Variants in CPO observed in about 807,000 individuals in gnomAD.
CPO encodes the protein carboxypeptidase O, also known as metallocarboxypeptidase C.
CPO carries 43 observed loss-of-function variants against 41.2 expected under a neutral mutation model. The ratio of observed to expected loss-of-function variants is 1.04; its 90% CI spans 0.82 to 1.35. The LOEUF (loss-of-function observed/expected upper bound fraction) is 1.35, where lower values mean the gene tolerates loss of function less well. Ranked by LOEUF, CPO falls within the 40% of genes most tolerant of loss-of-function variation. CPO has a pLI of 0.00. For missense variants in CPO, 408 were observed against 451.7 expected (o/e 0.90, Z 0.88); for synonymous variants, 178 against 162.7 (o/e 1.09, Z -0.72).
At chr2:206,949,770 G>A in intron 2 of CPO, 57 bp downstream of exon 2, 1 of 1,086,248 alleles carries the variant, frequency 9.2e-7, no homozygotes, top group Non-Finnish European at 1.4e-6. Flanking sequence ...TTTAGGATGG[G>A]CAAAGAATGG....
At chr2:206,948,617 C>T (rs541248425) in intron 1 of CPO, among the ~76,000 whole-genome samples, 18 of 152,098 alleles carry the variant, frequency 1.2e-4, no homozygotes, top group Admixed American at 9.8e-4. Context: ...TAAAAATTAG[C>T]GGAGTGTAGT....
intron 7 of CPO, among the ~76,000 whole-genome samples, chr2:206,964,233 TC>T (rs756785542): frequency 3.4e-4 from 51 of 152,132 alleles, no homozygotes; most frequent in Non-Finnish European, 5.9e-4. Context: ...CTCCCAACAG[TC>T]AAAAATGTCC....
rs757971844 is a variant in CPO at position 206,958,351 on chromosome 2, A to T, written c.318A>T (p.Gly106=). The stretch of plus-strand genomic sequence containing the variant: ...AGAAAATCATTTGGATGGACTGTGG[A>T]ATTCACGCCAGAGAATGGATTGCTC... ...NPKKIIWMDC[G]IHAREWIAPA... The change falls in exon 4 of 9, where the codon GGA becomes GGT. Residue 106 remains glycine, a synonymous_variant. Transcript: ENST00000272852. 13 of 1,601,872 alleles carry T rather than the reference A, an allele frequency of 8.1e-6. No homozygotes were observed. The highest frequency in any genetic ancestry group is 1.1e-5 in the Non-Finnish European group (13 of 1,174,462).
chr2:206,951,912 T>C (rs540520664), intron 2 of CPO, among the ~76,000 whole-genome samples: 1 of 152,342 alleles, frequency 6.6e-6, no homozygotes, highest in East Asian at 1.9e-4. Flanking sequence ...CATCTGCATC[T>C]CACCTAGTCC....
At chr2:206,962,700 C>A in intron 7 of CPO, 86 bp downstream of exon 7, 2 of 1,087,190 alleles carry the variant, frequency 1.8e-6, no homozygotes, top group Non-Finnish European at 2.8e-6. Flanking sequence ...AAGATTTTGG[C>A]TCCAGCCACC....
intron 4 of CPO, among the ~76,000 whole-genome samples, chr2:206,959,388 G>A (rs1180168826): frequency 6.6e-6 from 1 of 152,120 alleles, no homozygotes; most frequent in Non-Finnish European, 1.5e-5. Flanking sequence ...AGGGATGGCA[G>A]GAGGTGAATG....
At chr2:206,969,067 A>C (rs1023013200) in intron 8 of CPO, 107 bp from the exon 9 acceptor site, 1 of 1,170,874 alleles carries the variant, frequency 8.5e-7, no homozygotes, top group East Asian at 2.3e-5. Flanking sequence ...CTGATCTAAA[A>C]GAGCTTCTTT....
At chr2:206,968,141 C>A in intron 7 of CPO, 122 bp from the exon 8 acceptor site, 1 of 717,962 alleles carries the variant, frequency 1.4e-6, no homozygotes, top group South Asian at 1.5e-5. Context: ...TGTAGATGTC[C>A]GATGGGAAGT....
At chr2:206,944,434 C>G (rs1693103017) in intron 1 of CPO, among the ~76,000 whole-genome samples, 1 of 151,846 alleles carries the variant, frequency 6.6e-6, no homozygotes, top group African/African-American at 2.4e-5. Context: ...CTGAAGCACC[C>G]TTGTTTATTA....
chr2:206,967,346 T>G (rs563543997), intron 7 of CPO, among the ~76,000 whole-genome samples: 1,361 of 111,298 alleles, frequency 0.012, 15 homozygotes, highest in Admixed American at 0.027. Flanking sequence ...TATATATATA[T>G]ATATAGATAT....
intron 3 of CPO, among the ~76,000 whole-genome samples, chr2:206,956,841 C>G (rs930522943): frequency 7.2e-5 from 11 of 152,242 alleles, no homozygotes; most frequent in Middle Eastern, 6.8e-3. Flanking sequence ...ATTATTGGCT[C>G]TGAAATGGAA....
chr2:206,944,937 T>C (rs1693115878), intron 1 of CPO, among the ~76,000 whole-genome samples: 1 of 152,110 alleles, frequency 6.6e-6, no homozygotes, highest in African/African-American at 2.4e-5. Flanking sequence ...TTGAGGATAA[T>C]ACTAGTTGGA....
rs117481344 is a variant in CPO, at chr2:206,965,302, C to T, written c.777+2688C>T. Among the ~76,000 whole-genome samples the T allele has an allele frequency of 1.6e-3, 240 of 152,210 alleles. 4 individuals are homozygous for T. The East Asian group carries it at 0.044, about 28-fold the overall frequency. On this transcript the variant is annotated intron_variant, in intron 7 of 8. Transcript: ENST00000272852. ...AGCTACTTAGCAGTGTTTTTAGGTT[C>T]TTGGGGGCAAGCTTTGATAGAGTGC... is the stretch of plus-strand genomic sequence containing the variant.
At position 206,949,494 on chromosome 2, in the gene CPO, A is replaced by G. The variant is rs1259448685; in HGVS notation, c.69-123A>G. 2.4e-5 allele frequency: 16 copies of G among 671,274 alleles called. No individual in the cohort carries two copies. In the Admixed American group the frequency reaches 3.4e-4, roughly 14 times the overall value. 41.6% of individuals were successfully genotyped at this position (671,274 alleles called of 1,614,324 possible). On this transcript the variant is annotated intron_variant, in intron 1 of 8. Coordinates refer to ENST00000272852, the MANE Select transcript of CPO (RefSeq NM_173077.3). ...GTAAGTCACAGAGCCAAAGACTCCA[A>G]CACAGGCTTTTGTCCTCCAAGTCCT... is the stretch of plus-strand genomic sequence containing the variant.
At chr2:206,941,459 C>G (rs1693028504) in intron 1 of CPO, among the ~76,000 whole-genome samples, 1 of 151,928 alleles carries the variant, frequency 6.6e-6, no homozygotes, top group Non-Finnish European at 1.5e-5. Context: ...TCTCCCTTCC[C>G]TCAACTATTA....
chr2:206,968,197 C>A, intron 7 of CPO, 66 bp from the exon 8 acceptor site: 1 of 1,127,212 alleles, frequency 8.9e-7, no homozygotes, highest in Non-Finnish European at 1.3e-6. Flanking sequence ...GACAAAACAC[C>A]AAATGGTTGG....
intron 1 of CPO, among the ~76,000 whole-genome samples, chr2:206,947,958 C>T (rs1693177323): frequency 6.6e-6 from 1 of 152,214 alleles, no homozygotes; most frequent in Non-Finnish European, 1.5e-5. Flanking sequence ...GCAACAGGAA[C>T]TCTCATTCGT....
At chr2:206,944,788 T>C (rs567595580) in intron 1 of CPO, among the ~76,000 whole-genome samples, 76 of 152,168 alleles carry the variant, frequency 5.0e-4, no homozygotes, top group African/African-American at 1.6e-3. Context: ...TCTGGAGAAA[T>C]TGATTTCCAT....
At chr2:206,968,431 G>C in intron 8 of CPO, 84 bp downstream of exon 8, 1 of 785,466 alleles carries the variant, frequency 1.3e-6, no homozygotes, top group Non-Finnish European at 2.2e-6. Flanking sequence ...AGGCGGGAGA[G>C]GAACAGAAGA....
Sources: allele counts gnomAD v4.1 joint callset (sites outside exome capture counted in the v4.1 genomes callset), GRCh38; gene constraint gnomAD v4.1.1; transcripts MANE v1.5; gene names NCBI Gene and HGNC (gene_info 2026-07-23, HGNC 2026-07-21).